P4HB: variants seen among roughly 807,000 people sequenced by gnomAD.
The protein encoded by P4HB is prolyl 4-hydroxylase subunit beta.
In P4HB, 20 loss-of-function variants were observed where a neutral mutation model predicts 52.6. The ratio of observed to expected loss-of-function variants is 0.38; its 90% confidence interval spans 0.27 to 0.55. P4HB has a LOEUF of 0.55. Among genes scored for constraint, P4HB ranks in the 20% least tolerant of loss-of-function variants. The pLI is 0.74. For missense variants in P4HB, 601 were observed against 669.2 expected, an observed-to-expected ratio of 0.90 and a Z score of 1.12; for synonymous variants, 296 against 277.9, an observed-to-expected ratio of 1.07 and a Z score of -0.65.
chr17:81,851,213 A>G (rs2038826127), intron 4 of P4HB, among the ~76,000 whole-genome samples: 1 of 152,224 alleles, frequency 6.6e-6, no homozygotes, highest in Non-Finnish European at 1.5e-5. Flanking sequence ...TACAGGCATG[A>G]GCCCCTGCAC....
At position 81,846,296 on chromosome 17, in the gene P4HB, C is replaced by A. The variant is rs1417442311; in HGVS notation, c.1056+133G>T. 4 of 858,684 alleles carry A rather than the reference C, an allele frequency of 4.7e-6. No homozygotes were observed. The Admixed American group carries it at 6.3e-5, about 14-fold the overall frequency. The allele number at this position is 858,684 out of a possible 1,614,324, so 53.2% of individuals were successfully genotyped here. A position where few individuals can be genotyped will look rare whatever the true frequency, so the allele number is the denominator to read the frequency against. On this transcript the variant is annotated intron_variant, in intron 7 of 10. Transcript: ENST00000331483. The surrounding 1 kb of genome is among the most constrained non-coding windows in gnomAD (Gnocchi z 5.7). ...GGTGTGACAAGAATGGTGGTCTTCACACCATCTTGGGCTCCGTCCTCTTAC... is the reference window on the plus strand; with the variant it reads ...GGTGTGACAAGAATGGTGGTCTTCAAACCATCTTGGGCTCCGTCCTCTTAC...
chr17:81,852,386 A>G (rs1304649117), intron 4 of P4HB, among the ~76,000 whole-genome samples: 1 of 152,186 alleles, frequency 6.6e-6, no homozygotes, highest in Non-Finnish European at 1.5e-5. Context: ...CACTGTGGCC[A>G]CTGCACACAC....
At chr17:81,858,946 G>A (rs2038956480) in intron 2 of P4HB, 7 of 536,166 alleles carry the variant, frequency 1.3e-5, no homozygotes, top group South Asian at 4.3e-5. Flanking sequence ...TCAGCCAGCC[G>A]CCCCCAGGAT....
Position 81,855,464 on chromosome 17 carries a change from C to A in P4HB, c.475G>T (p.Gly159Cys). The A allele has an allele frequency of 6.2e-7, 1 of 1,612,146 alleles. No individual in the cohort carries two copies. Among genetic ancestry groups the A allele is most frequent in the Non-Finnish European group, 8.5e-7 (1 of 1,178,876 alleles). Residue 159 changes from glycine (G) to cysteine (C), a missense_variant, in exon 3 of 11, where the codon GGC becomes TGC. Transcript: ENST00000331483. The surrounding 1 kb of genome is among the most constrained non-coding windows in gnomAD (Gnocchi z 4.3). ...GCTCTGGTCTCTACCTTGAAGAAGC[C>A]GATGACAGCCACCTCGCTGGACTCC... Reference protein sequence around the residue: ...LVESSEVAVIGFFKDVESDSA... With the variant: ...LVESSEVAVICFFKDVESDSA...
chr17:81,843,931 C>A lies in P4HB; in HGVS notation c.*81G>T. 9.6e-7 allele frequency: 1 copy of A among 1,042,726 alleles called. No individual in the cohort carries two copies. Among genetic ancestry groups the A allele is most frequent in the South Asian group, 1.3e-5 (1 of 79,522 alleles). The allele number at this position is 1,042,726 out of a possible 1,614,324, so 64.6% of individuals were successfully genotyped here. On this transcript the variant is annotated 3_prime_UTR_variant, in exon 11 of 11. Coordinates refer to ENST00000331483, the MANE Select transcript of P4HB (RefSeq NM_000918.4). ...GGCGACGCCCTCCTTCAAGCGAGGC[C>A]GCAGGCTTCGGAGGCGTGCGCTGCT...
chr17:81,854,968 C>T (rs558934406), intron 4 of P4HB, among the ~76,000 whole-genome samples, 174 bp downstream of exon 4: 12 of 151,876 alleles, frequency 7.9e-5, no homozygotes, highest in South Asian at 6.2e-4. Flanking sequence ...CAGCTGAATG[C>T]GAAGACCAGG....
Position 81,843,942 on chromosome 17 carries a change from G to T in P4HB, c.*70C>A. 1 of 1,152,504 alleles carries T rather than the reference G, an allele frequency of 8.7e-7. No individual in the cohort carries two copies. The highest frequency in any genetic ancestry group is 1.3e-6 in the Non-Finnish European group (1 of 760,944). The allele number at this position is 1,152,504 out of a possible 1,614,324, so 71.4% of individuals were successfully genotyped here. A position where few individuals can be genotyped will look rare whatever the true frequency, so the allele number is the denominator to read the frequency against. ...CCTTCAAGCGAGGCCGCAGGCTTCG[G>T]AGGCGTGCGCTGCTGCTGGGTGTGC... On this transcript the variant is annotated 3_prime_UTR_variant, in exon 11 of 11. Transcript: ENST00000331483.
intron 4 of P4HB, among the ~76,000 whole-genome samples, chr17:81,851,360 T>G (rs2038828305): frequency 6.6e-6 from 1 of 152,378 alleles, no homozygotes; most frequent in East Asian, 1.9e-4. Flanking sequence ...ACGCTGTGCC[T>G]GGGCCACCCT....
Position 81,855,530 on chromosome 17 carries a change from C to A in P4HB, c.409G>T (p.Ala137Ser). 6.2e-7 allele frequency: 1 copy of A among 1,613,980 alleles called. No individual in the cohort carries two copies. The highest frequency in any genetic ancestry group is 1.3e-5 in the African/African-American group (1 of 75,052). The part of the protein sequence containing the change: ...NWLKKRTGPA[A>S]TTLPDGAAAE... ...GCTGCGCCGTCAGGCAGGGTGGTGGCAGCCGGGCCCGTGCGCTTCTTCAGC... is the reference window on the plus strand; with the variant it reads ...GCTGCGCCGTCAGGCAGGGTGGTGGAAGCCGGGCCCGTGCGCTTCTTCAGC... The change falls in exon 3 of 11, where the codon GCC becomes TCC. Residue 137 changes from alanine to serine, a missense_variant. Ala to Ser is a moderately conservative substitution (Grantham distance 99, BLOSUM62 1). Coordinates refer to ENST00000331483, the MANE Select transcript of P4HB (RefSeq NM_000918.4). This position sits in a 1 kb window ranked among gnomAD's most constrained non-coding sequence, Gnocchi z 4.3.
intron 4 of P4HB, among the ~76,000 whole-genome samples, chr17:81,849,268 G>A (rs944145765): frequency 2.0e-5 from 3 of 152,088 alleles, no homozygotes; most frequent in African/African-American, 7.2e-5. Context: ...GCTGAGGCGG[G>A]CGGATCACCT....
chr17:81,849,428 G>A lies in P4HB; in HGVS notation c.625-2081C>T, dbSNP rs145738394. Among the ~76,000 whole-genome samples, 370 of 151,512 alleles carry A rather than the reference G, an allele frequency of 2.4e-3. 1 individual carries two copies. Among genetic ancestry groups the A allele is most frequent in the Non-Finnish European group, 4.8e-3 (324 of 67,772 alleles). ...GGAGAATCGCTTGAACCCAGGAGGC[G>A]GAGGTTGCAGTGAGCCCAGATCGTG... On this transcript the variant is annotated intron_variant, in intron 4 of 10. Transcript: ENST00000331483.
Position 81,843,289 on chromosome 17 carries a change from G to A in P4HB, c.*723C>T, listed in dbSNP as rs961249040. The A allele has an allele frequency of 2.0e-5, 8 of 393,278 alleles. No individual in the cohort carries two copies. Among genetic ancestry groups the A allele is most frequent in the Non-Finnish European group, 3.6e-5 (8 of 223,266 alleles). The allele number at this position is 393,278 out of a possible 1,614,324, so 24.4% of individuals were successfully genotyped here. A position where few individuals can be genotyped will look rare whatever the true frequency, so the allele number is the denominator to read the frequency against. ...CCACCTCCCCACCCGGGAGTCAAGG[G>A]TCGTGGTTCTGCCTTGAACAGGCCA... On this transcript the variant is annotated 3_prime_UTR_variant, in exon 11 of 11. Coordinates refer to ENST00000331483, the MANE Select transcript of P4HB (RefSeq NM_000918.4).
At chr17:81,845,344 C>G in intron 9 of P4HB, 114 bp from the exon 10 acceptor site, 2 of 964,670 alleles carry the variant, frequency 2.1e-6, no homozygotes, top group Admixed American at 4.0e-5. Context: ...TGGCTCACAC[C>G]CGGAATCCAG....
rs1054487152 is a variant in P4HB at position 81,855,369 on chromosome 17, C to T, written c.486+84G>A. On this transcript the variant is annotated intron_variant, in intron 3 of 10. Coordinates refer to ENST00000331483, the MANE Select transcript of P4HB (RefSeq NM_000918.4). The surrounding 1 kb of genome is among the most constrained non-coding windows in gnomAD (Gnocchi z 4.3). Reference sequence around the variant, plus strand: ...TGTAGAGCCCAGGCCAGGGGGGACACGTGCAGAACTGCCAGCTGCAGGCTG... The same window carrying T: ...TGTAGAGCCCAGGCCAGGGGGGACATGTGCAGAACTGCCAGCTGCAGGCTG... The T allele has an allele frequency of 1.4e-5, 23 of 1,596,370 alleles. No individual in the cohort carries two copies. Among genetic ancestry groups the T allele is most frequent in the Admixed American group, 8.4e-5 (5 of 59,366 alleles).
At chr17:81,844,741 C>T (rs555951966) in intron 10 of P4HB, among the ~76,000 whole-genome samples, 11 of 152,362 alleles carry the variant, frequency 7.2e-5, no homozygotes, top group Middle Eastern at 3.4e-3. Context: ...CTGCTGGCCA[C>T]GCGCTGACGG....
chr17:81,851,931 C>T (rs2038838441), intron 4 of P4HB, among the ~76,000 whole-genome samples: 1 of 152,216 alleles, frequency 6.6e-6, no homozygotes, highest in Non-Finnish European at 1.5e-5. Flanking sequence ...GCCTGTAACC[C>T]CAATGTTTTG....
At chr17:81,850,274 A>G (rs1240506223) in intron 4 of P4HB, among the ~76,000 whole-genome samples, 1 of 151,896 alleles carries the variant, frequency 6.6e-6, no homozygotes, top group Non-Finnish European at 1.5e-5. Flanking sequence ...CTGGGATTAC[A>G]GGTACGCGCC....
At chr17:81,859,438 C>T in intron 1 of P4HB, 51 bp from the exon 2 acceptor site, 1 of 1,505,970 alleles carries the variant, frequency 6.6e-7, no homozygotes, top group African/African-American at 1.4e-5. Context: ...CTAAAGCAGC[C>T]TTGATCCCTC....
At chr17:81,845,280 TCTC>T in intron 9 of P4HB, 50 bp from the exon 10 acceptor site, 1 of 1,450,056 alleles carries the variant, frequency 6.9e-7, no homozygotes, top group Non-Finnish European at 9.6e-7. Context: ...CCAGAGCCAA[TCTC>T]CTGGCATTGG....
Sources: gnomAD v4.1 joint callset for allele counts (sites outside exome capture counted in the v4.1 genomes callset) on GRCh38, gnomAD v4.1.1 for gene constraint, Gnocchi (gnomAD v3.1) non-coding constraint, MANE v1.5 for transcripts, NCBI Gene and HGNC (gene_info 2026-07-23, HGNC 2026-07-21) for gene names.